Variants in ZNF257 observed in about 807,000 individuals in gnomAD.
ZNF257 encodes the protein bone marrow zinc finger 4.
In ZNF257, 12 loss-of-function variants were observed where a neutral mutation model predicts 11.9. That is an observed-to-expected ratio of 1.01 (90% CI 0.65 to 1.63). The LOEUF (loss-of-function observed/expected upper bound fraction) is 1.63, where lower values mean the gene tolerates loss of function less well. Among genes scored for constraint, ZNF257 ranks in the 40% most tolerant of loss-of-function variants. The pLI is 0.00. For synonymous variants in ZNF257, 183 were observed against 222.7 expected, an observed-to-expected ratio of 0.82 and a Z score of 1.59; for missense variants, 580 against 665.5, an observed-to-expected ratio of 0.87 and a Z score of 1.41.
intron 3 of ZNF257, among the ~76,000 whole-genome samples, chr19:22,077,907 G>A (rs181955964): frequency 2.6e-5 from 4 of 152,012 alleles, no homozygotes; most frequent in Admixed American, 2.0e-4. Flanking sequence ...CATTTTCACT[G>A]CATCATCAAC....
At chr19:22,054,551 C>T in intron 1 of ZNF257, among the ~76,000 whole-genome samples, 1 of 152,154 alleles carries the variant, frequency 6.6e-6, no homozygotes, top group East Asian at 1.9e-4. Flanking sequence ...AATTATTCAT[C>T]CTTTAGTTTA....
chr19:22,069,299 C>T (rs1045213526), intron 1 of ZNF257, among the ~76,000 whole-genome samples: 22 of 151,892 alleles, frequency 1.4e-4, no homozygotes, highest in Non-Finnish European at 2.5e-4. Flanking sequence ...TTATTTGGGC[C>T]GTAAGTAACC....
intron 1 of ZNF257, among the ~76,000 whole-genome samples, chr19:22,055,419 T>A (rs2021604324): frequency 6.6e-6 from 1 of 152,110 alleles, no homozygotes; most frequent in African/African-American, 2.4e-5. Context: ...TTGGCCAGGC[T>A]GGTCTTGAAC....
At chr19:22,054,422 T>C (rs2145681148) in intron 1 of ZNF257, among the ~76,000 whole-genome samples, 1 of 152,194 alleles carries the variant, frequency 6.6e-6, no homozygotes, top group East Asian at 1.9e-4. Flanking sequence ...TTTACCCTCC[T>C]CCCCCTTCAT....
At chr19:22,080,619 G>C (rs1432493078) in intron 3 of ZNF257, among the ~76,000 whole-genome samples, 1 of 151,560 alleles carries the variant, frequency 6.6e-6, no homozygotes, top group Non-Finnish European at 1.5e-5. Context: ...CTACTATCAG[G>C]CTTCCTGTGT....
intron 1 of ZNF257, among the ~76,000 whole-genome samples, chr19:22,057,509 G>T (rs1348731999): frequency 9.8e-6 from 1 of 101,720 alleles, no homozygotes; most frequent in African/African-American, 4.3e-5. Flanking sequence ...AAAATAGAAG[G>T]GGTCTCAGAA....
At chr19:22,068,157 T>C (rs916469872) in intron 1 of ZNF257, among the ~76,000 whole-genome samples, 3 of 70,480 alleles carry the variant, frequency 4.3e-5, no homozygotes, top group African/African-American at 1.5e-4. Context: ...TCTGTCCCTC[T>C]TTTTTTTTTT....
At chr19:22,056,921 A>G (rs2021658369) in intron 1 of ZNF257, among the ~76,000 whole-genome samples, 1 of 152,224 alleles carries the variant, frequency 6.6e-6, no homozygotes, top group Non-Finnish European at 1.5e-5. Context: ...ATACATTTCC[A>G]CAAGAAAATA....
intron 1 of ZNF257, 137 bp from the exon 2 acceptor site, chr19:22,072,672 T>G (rs2022130873): frequency 1.1e-6 from 1 of 924,816 alleles, no homozygotes; most frequent in East Asian, 2.7e-5. Context: ...AAAAAATATT[T>G]TCTTGGATAA....
chr19:22,084,736 GT>G (rs55702537), intron 3 of ZNF257, among the ~76,000 whole-genome samples: 31,568 of 139,612 alleles, frequency 0.23, 3,677 homozygotes, highest in South Asian at 0.43. Flanking sequence ...AAATTTTAGG[GT>G]TTTTTTTTTT....
At chr19:22,076,053 G>C (rs2022216668) in intron 3 of ZNF257, among the ~76,000 whole-genome samples, 1 of 152,050 alleles carries the variant, frequency 6.6e-6, no homozygotes, top group African/African-American at 2.4e-5. Flanking sequence ...GGAGCAATAA[G>C]CTAGAATTTA....
intron 1 of ZNF257, among the ~76,000 whole-genome samples, chr19:22,058,195 A>AGC (rs1001449370): frequency 1.3e-5 from 2 of 152,196 alleles, no homozygotes; most frequent in African/African-American, 4.8e-5. Context: ...CTGTTCCTGG[A>AGC]GCACACAAAG....
chr19:22,059,234 A>G (rs1192184513), intron 1 of ZNF257, among the ~76,000 whole-genome samples: 2 of 152,084 alleles, frequency 1.3e-5, no homozygotes, highest in Non-Finnish European at 2.9e-5. Context: ...TGTGCAGATT[A>G]TATTGTCACT....
Position 22,072,912 on chromosome 19 carries a change from A to T in ZNF257, c.107A>T (p.Asn36Ile). ...QNLYRDVMLE[N>I]YRNLVFLGIA... ...TTATATAGGGATGTGATGTTAGAGAACTACAGAAACCTGGTCTTCCTGGGT... is the reference window on the plus strand; with the variant it reads ...TTATATAGGGATGTGATGTTAGAGATCTACAGAAACCTGGTCTTCCTGGGT... Residue 36 changes from asparagine (N) to isoleucine (I), a missense_variant, in exon 2 of 4, where the codon AAC becomes ATC. Asn to Ile is a moderately radical substitution (Grantham distance 149). Transcript: ENST00000594947. The T allele has an allele frequency of 6.2e-7, 1 of 1,612,998 alleles. No homozygotes were observed. The highest frequency in any genetic ancestry group is 1.1e-5 in the South Asian group (1 of 90,968).
chr19:22,063,288 AT>A (rs924398745), intron 1 of ZNF257, among the ~76,000 whole-genome samples: 1 of 151,466 alleles, frequency 6.6e-6, no homozygotes, highest in Non-Finnish European at 1.5e-5. Flanking sequence ...TATCTTATCA[AT>A]TTTTTTTCAA....
At chr19:22,054,175 C>T (rs1385511487) in intron 1 of ZNF257, among the ~76,000 whole-genome samples, 1 of 151,584 alleles carries the variant, frequency 6.6e-6, no homozygotes, top group Non-Finnish European at 1.5e-5. Context: ...CAGGTTCAAG[C>T]TATTCTCCTG....
At chr19:22,063,928 A>T (rs992791923) in intron 1 of ZNF257, among the ~76,000 whole-genome samples, 1 of 152,168 alleles carries the variant, frequency 6.6e-6, no homozygotes, top group African/African-American at 2.4e-5. Flanking sequence ...TGTCTCAAGG[A>T]TCTGTCTAAT....
chr19:22,064,874 C>T (rs1396407235), intron 1 of ZNF257, among the ~76,000 whole-genome samples: 7 of 151,848 alleles, frequency 4.6e-5, no homozygotes, highest in African/African-American at 1.5e-4. Context: ...GCCAACATGG[C>T]GAAACCCCGT....
At position 22,072,996 on chromosome 19, in the gene ZNF257, T is replaced by TTA. The variant is rs563076642; in HGVS notation, c.130+62_130+63insAT. 0.01 allele frequency: 14,396 copies of TTA among 1,423,228 alleles called. 1,315 individuals carry two copies. The African/African-American group carries it at 0.2, about 20-fold the overall frequency. 88.2% of individuals were successfully genotyped at this position (1,423,228 alleles called of 1,614,324 possible). On this transcript the variant is annotated intron_variant, in intron 2 of 3. Transcript: ENST00000594947. ...TCCAAAGGCTTTATTTTTTATTTAT[T>TTA]TTTTTTTTTGTAGAATGTTTTTTGG... is the stretch of plus-strand genomic sequence containing the variant.
Sources: gnomAD v4.1 joint callset for allele counts (sites outside exome capture counted in the v4.1 genomes callset) on GRCh38, gnomAD v4.1.1 for gene constraint, MANE v1.5 for transcripts, NCBI Gene and HGNC (gene_info 2026-07-23, HGNC 2026-07-21) for gene names.